The following CNTNAP2 variants were observed in gnomAD, a reference collection of about 807,000 sequenced individuals.
CNTNAP2 encodes contactin-associated protein-like 2.
Under a neutral mutation model 155.2 loss-of-function variants are expected in CNTNAP2, and 98 were observed. That is an observed-to-expected ratio of 0.63 (90% CI 0.54 to 0.75). CNTNAP2 has a LOEUF of 0.75. Ranked by LOEUF, CNTNAP2 falls within the 30% of genes least tolerant of loss-of-function variation. The probability of loss-of-function intolerance (pLI) is 0.00; values close to 1 mark genes in which losing one functional copy is unlikely to be tolerated. For missense variants in CNTNAP2, 1,727 were observed against 1,688.1 expected, an observed-to-expected ratio of 1.02 and a Z score of -0.40; for synonymous variants, 651 against 631.2, an observed-to-expected ratio of 1.03 and a Z score of -0.47.
At chr7:146,166,001 T>C (rs890377786) in intron 1 of CNTNAP2, among the ~76,000 whole-genome samples, 2 of 152,200 alleles carry the variant, frequency 1.3e-5, no homozygotes, top group Admixed American at 1.3e-4. Flanking sequence ...TTTAAAATAA[T>C]TATAAATTAT....
chr7:146,314,885 G>A (rs995941148), intron 1 of CNTNAP2, among the ~76,000 whole-genome samples: 6 of 152,140 alleles, frequency 3.9e-5, no homozygotes, highest in Non-Finnish European at 8.8e-5. Context: ...AGGTCTCTCT[G>A]CTTCCTTCCA....
intron 1 of CNTNAP2, among the ~76,000 whole-genome samples, chr7:146,387,375 A>G (rs1421449303): frequency 1.3e-5 from 2 of 152,134 alleles, no homozygotes; most frequent in Non-Finnish European, 2.9e-5. Flanking sequence ...AAACAAGCTT[A>G]GAACAGCCTA....
At chr7:148,149,476 G>C (rs1447402605) in intron 17 of CNTNAP2, among the ~76,000 whole-genome samples, 1 of 152,152 alleles carries the variant, frequency 6.6e-6, no homozygotes, top group Non-Finnish European at 1.5e-5. Context: ...GTCACAAGAG[G>C]AGGAGGATTT....
chr7:147,275,664 TTGCCTAAGTGCCCTGGCAA>T (rs1285131911), intron 8 of CNTNAP2, among the ~76,000 whole-genome samples: 1 of 152,098 alleles, frequency 6.6e-6, no homozygotes, highest in African/African-American at 2.4e-5. Flanking sequence ...CTTATTTCTC[TTGCCTAAGTGCCCTGGCAA>T]GGACTTCTAG....
intron 12 of CNTNAP2, among the ~76,000 whole-genome samples, chr7:147,566,642 C>T (rs955850393): frequency 1.4e-4 from 22 of 152,028 alleles, no homozygotes; most frequent in Non-Finnish European, 2.4e-4. Context: ...ACCATTAGAT[C>T]TCATGAGAAC....
intron 2 of CNTNAP2, among the ~76,000 whole-genome samples, chr7:146,838,237 C>T (rs1050865875): frequency 6.6e-6 from 1 of 152,150 alleles, no homozygotes; most frequent in Non-Finnish European, 1.5e-5. Context: ...CAGGGCTCAC[C>T]TTATTTGTTT....
At chr7:146,654,594 T>A (rs1405503556) in intron 1 of CNTNAP2, among the ~76,000 whole-genome samples, 1 of 152,204 alleles carries the variant, frequency 6.6e-6, no homozygotes, top group Non-Finnish European at 1.5e-5. Context: ...TGGGGCTGCA[T>A]AATTTGTGGT....
chr7:148,372,732 A>T (rs1262398751), intron 21 of CNTNAP2, among the ~76,000 whole-genome samples: 1 of 152,152 alleles, frequency 6.6e-6, no homozygotes, highest in Non-Finnish European at 1.5e-5. Context: ...AATAAATAAA[A>T]TAAATTAACC....
chr7:148,033,037 A>G (rs749140515), intron 15 of CNTNAP2, among the ~76,000 whole-genome samples: 1 of 152,130 alleles, frequency 6.6e-6, no homozygotes. Flanking sequence ...TGACTCTCCC[A>G]TTCACCAAGC....
At position 147,495,968 on chromosome 7, in the gene CNTNAP2, C is replaced by T. The variant is rs138833281; in HGVS notation, c.1777+9927C>T. 1.6e-4 allele frequency among the ~76,000 whole-genome samples: 25 copies of T among 152,166 alleles called. No homozygotes were observed. In the East Asian group the frequency reaches 3.7e-3, roughly 22 times the overall value. On this transcript the variant is annotated intron_variant, in intron 11 of 23. Coordinates refer to ENST00000361727, the MANE Select transcript of CNTNAP2 (RefSeq NM_014141.6). ...GCAGCATCAGATTCTCAGAGGAGCA[C>T]GAATGCTATTGTGAACTGTGCATGC...
intron 1 of CNTNAP2, among the ~76,000 whole-genome samples, chr7:146,213,411 CTACTT>C (rs1187697205): frequency 6.6e-6 from 1 of 152,078 alleles, no homozygotes; most frequent in African/African-American, 2.4e-5. Flanking sequence ...ATTGTAAAAC[CTACTT>C]TACTTAACTC....
chr7:147,870,370 G>A (rs1011578511), intron 13 of CNTNAP2, among the ~76,000 whole-genome samples: 2 of 152,236 alleles, frequency 1.3e-5, no homozygotes, highest in African/African-American at 4.8e-5. Flanking sequence ...CATATGAGGA[G>A]CCCCACATCT....
At chr7:146,920,117 A>C (rs2129219677) in intron 3 of CNTNAP2, among the ~76,000 whole-genome samples, 1 of 152,332 alleles carries the variant, frequency 6.6e-6, no homozygotes, top group South Asian at 2.1e-4. Flanking sequence ...TGTTACCATA[A>C]AAATGTGAAA....
intron 1 of CNTNAP2, among the ~76,000 whole-genome samples, chr7:146,318,167 A>T (rs2129091882): frequency 6.6e-6 from 1 of 152,098 alleles, no homozygotes; most frequent in Non-Finnish European, 1.5e-5. Flanking sequence ...TGAAATTAAC[A>T]TTTTTATCAT....
rs111515692 is a variant in CNTNAP2 at position 148,081,966 on chromosome 7, G to GT, written c.2384-36144dup. On this transcript the variant is annotated intron_variant, in intron 15 of 23. Coordinates refer to ENST00000361727, the MANE Select transcript of CNTNAP2 (RefSeq NM_014141.6). ...GAGAAGGGCATTGTTTTGTTTGCTT[G>GT]TTTTTTTTAATTTTTTAAATGTTTT... Among the ~76,000 whole-genome samples, 24 of 151,928 alleles carry GT rather than the reference G, an allele frequency of 1.6e-4. No homozygotes were observed. The South Asian group carries it at 2.1e-3, about 13-fold the overall frequency.
intron 9 of CNTNAP2, among the ~76,000 whole-genome samples, chr7:147,395,059 T>TA (rs905118367): frequency 6.6e-6 from 1 of 151,726 alleles, no homozygotes; most frequent in Admixed American, 6.6e-5. Context: ...TTTTATAAAT[T>TA]AAAAAAAGGC....
At chr7:147,729,720 T>C (rs991487567) in intron 13 of CNTNAP2, among the ~76,000 whole-genome samples, 1 of 152,106 alleles carries the variant, frequency 6.6e-6, no homozygotes, top group Non-Finnish European at 1.5e-5. Flanking sequence ...TCATAGGTGC[T>C]GCTCTTTGTG....
At chr7:146,767,952 C>G (rs1366893371) in intron 1 of CNTNAP2, among the ~76,000 whole-genome samples, 1 of 152,124 alleles carries the variant, frequency 6.6e-6, no homozygotes, top group African/African-American at 2.4e-5. Flanking sequence ...GAAAGTCACG[C>G]CTTTCACCAA....
At chr7:147,191,145 G>T (rs941969509) in intron 8 of CNTNAP2, among the ~76,000 whole-genome samples, 30 of 151,990 alleles carry the variant, frequency 2.0e-4, no homozygotes, top group Admixed American at 5.2e-4. Context: ...AGAGTTGAAG[G>T]GTCCAGTATA....
Sources: allele counts gnomAD v4.1 joint callset (sites outside exome capture counted in the v4.1 genomes callset), GRCh38; gene constraint gnomAD v4.1.1; transcripts MANE v1.5; gene names NCBI Gene and HGNC (gene_info 2026-07-23, HGNC 2026-07-21).